The following RAF1 variants were observed in gnomAD, a reference collection of about 807,000 sequenced individuals.
RAF1 encodes the protein Raf-1 proto-oncogene, serine/threonine kinase, also known as RAF proto-oncogene serine/threonine-protein kinase.
RAF1 carries 27 observed loss-of-function variants against 81.1 expected under a neutral mutation model. That is an observed-to-expected ratio of 0.33 (90% CI 0.25 to 0.46). The LOEUF (loss-of-function observed/expected upper bound fraction) is 0.46. Ranked by LOEUF, RAF1 falls within the 20% of genes least tolerant of loss-of-function variation. The probability of loss-of-function intolerance (pLI) is 1.00; values close to 1 mark genes in which losing one functional copy is unlikely to be tolerated. For missense variants in RAF1, 598 were observed against 826.0 expected (o/e 0.72, Z 3.38); for synonymous variants, 298 against 294.0 (o/e 1.01, Z -0.14).
chr3:12,659,424 T>C (rs1241186776), intron 1 of RAF1, among the ~76,000 whole-genome samples: 3 of 5,626 alleles, frequency 5.3e-4, no homozygotes, highest in African/African-American at 2.9e-3. Context: ...CCAGATTTCA[T>C]CTCAAAAAAA....
intron 5 of RAF1, 54 bp downstream of exon 5, chr3:12,608,712 A>C: frequency 6.4e-7 from 1 of 1,571,368 alleles, no homozygotes; most frequent in Non-Finnish European, 8.8e-7. Context: ...ATACCCTTTA[A>C]AGTATGTATA....
intron 11 of RAF1, 102 bp from the exon 11 acceptor site, chr3:12,591,894 C>A: frequency 1.1e-6 from 1 of 910,738 alleles, no homozygotes; most frequent in South Asian, 1.4e-5. Context: ...TCCAAAGAAT[C>A]ACATACCTAC....
At chr3:12,642,671 T>TACACACACACACACACACACAC in intron 1 of RAF1, among the ~76,000 whole-genome samples, 1 of 117,060 alleles carries the variant, frequency 8.5e-6, no homozygotes, top group South Asian at 3.2e-4. Context: ...ACACCATCTC[T>TACACACACACACACACACACAC]ACACACACAC....
At chr3:12,607,828 G>A (rs2059083120) in intron 5 of RAF1, among the ~76,000 whole-genome samples, 1 of 151,552 alleles carries the variant, frequency 6.6e-6, no homozygotes, top group African/African-American at 2.4e-5. Context: ...GTGTGTGCCT[G>A]TAGTCTGAGC....
intron 1 of RAF1, among the ~76,000 whole-genome samples, chr3:12,641,447 A>T (rs542291712): frequency 2.0e-5 from 3 of 151,860 alleles, no homozygotes; most frequent in Middle Eastern, 3.4e-3. Flanking sequence ...ACAATTTCCA[A>T]ATATTTGGTG....
intron 15 of RAF1, 157 bp from the exon 15 acceptor site, chr3:12,585,410 G>A (rs1432245216): frequency 1.0e-6 from 1 of 985,222 alleles, no homozygotes; most frequent in East Asian, 1.1e-4. Context: ...TCAGGCACTG[G>A]TTAAAACAGC....
At chr3:12,653,784 A>G (rs1348310007) in intron 1 of RAF1, among the ~76,000 whole-genome samples, 1 of 151,934 alleles carries the variant, frequency 6.6e-6, no homozygotes, top group Non-Finnish European at 1.5e-5. Context: ...ATTTTTCATC[A>G]TGTACAGTAC....
Position 12,590,863 on chromosome 3 carries a change from G to A in RAF1, c.1365C>T (p.Val455=). The A allele has an allele frequency of 6.2e-7, 1 of 1,613,912 alleles. No homozygotes were observed. Among genetic ancestry groups the A allele is most frequent in the Non-Finnish European group, 8.5e-7 (1 of 1,179,792 alleles). Reference sequence around the variant, plus strand: ...GGAACATCTGAAACTTGGTCTCCTGGACATGCAGGTGTTTGTAGAGGCTGC... The same window carrying A: ...GGAACATCTGAAACTTGGTCTCCTGAACATGCAGGTGTTTGTAGAGGCTGC... Residue 455 remains valine, a synonymous_variant, in exon 13 of 18, where the codon GTC becomes GTT. Transcript: ENST00000442415.
chr3:12,655,300 G>A (rs2060656136), intron 1 of RAF1, among the ~76,000 whole-genome samples: 1 of 152,080 alleles, frequency 6.6e-6, no homozygotes, highest in Non-Finnish European at 1.5e-5. Flanking sequence ...TGGCCAGGCT[G>A]GTCTCGAACT....
At chr3:12,591,477 C>T (rs1468694429) in intron 12 of RAF1, among the ~76,000 whole-genome samples, 1 of 152,172 alleles carries the variant, frequency 6.6e-6, no homozygotes, top group East Asian at 1.9e-4. Flanking sequence ...GTTTACTGTG[C>T]CCAGAGGAGG....
At chr3:12,587,949 G>A (rs184152367) in intron 13 of RAF1, 146 of 198,056 alleles carry the variant, frequency 7.4e-4, no homozygotes, top group African/African-American at 3.6e-3. Context: ...ACAGGCATGT[G>A]CCACCATGCC....
At chr3:12,629,116 T>C (rs772577983) in intron 1 of RAF1, among the ~76,000 whole-genome samples, 5 of 152,228 alleles carry the variant, frequency 3.3e-5, no homozygotes, top group South Asian at 2.1e-4. Flanking sequence ...AACTGACCCA[T>C]AGAAGTCAAC....
intron 15 of RAF1, 65 bp downstream of exon 14, chr3:12,585,616 A>C (rs781370025): frequency 1.3e-4 from 186 of 1,450,074 alleles, no homozygotes; most frequent in Non-Finnish European, 1.8e-4. Context: ...AAGTTTGCAC[A>C]TAAATCTCCA....
At chr3:12,646,209 T>C (rs1302485919) in intron 1 of RAF1, among the ~76,000 whole-genome samples, 7 of 152,172 alleles carry the variant, frequency 4.6e-5, no homozygotes, top group Non-Finnish European at 7.4e-5. Context: ...AGCTTCATCA[T>C]AGCTCACTGT....
intron 1 of RAF1, among the ~76,000 whole-genome samples, chr3:12,657,733 T>G (rs539448599): frequency 1.1e-4 from 17 of 151,336 alleles, no homozygotes; most frequent in African/African-American, 4.1e-4. Context: ...TGTGCACCAC[T>G]GCACTCCAGC....
At chr3:12,627,558 C>T (rs939016735) in intron 1 of RAF1, among the ~76,000 whole-genome samples, 2 of 152,160 alleles carry the variant, frequency 1.3e-5, no homozygotes, top group Non-Finnish European at 2.9e-5. Context: ...GTCACCTACT[C>T]TATATCTATC....
intron 1 of RAF1, among the ~76,000 whole-genome samples, chr3:12,622,893 T>C (rs1238101367): frequency 6.6e-6 from 1 of 152,284 alleles, no homozygotes; most frequent in Admixed American, 6.5e-5. Flanking sequence ...CCGGGCGCAG[T>C]TGTTCACACC....
chr3:12,598,754 C>CAAAAAA (rs1491128080), intron 11 of RAF1, among the ~76,000 whole-genome samples: 5 of 111,226 alleles, frequency 4.5e-5, no homozygotes, highest in Admixed American at 2.0e-4. Flanking sequence ...AAAAAAAAAA[C>CAAAAAA]CACCAAGTAC....
At chr3:12,597,096 C>T (rs1001767118) in intron 11 of RAF1, among the ~76,000 whole-genome samples, 1 of 152,110 alleles carries the variant, frequency 6.6e-6, no homozygotes, top group Admixed American at 6.5e-5. Context: ...GACGGGGTTT[C>T]ACCGTGTTAG....
Sources: gnomAD v4.1 joint callset for allele counts (sites outside exome capture counted in the v4.1 genomes callset) on GRCh38, gnomAD v4.1.1 for gene constraint, MANE v1.5 for transcripts, NCBI Gene and HGNC (gene_info 2026-07-23, HGNC 2026-07-21) for gene names.